The following KANSL1L variants were observed in gnomAD, a reference collection of about 807,000 sequenced individuals.
KANSL1L encodes the protein KAT8 regulatory NSL complex subunit 1 like.
A neutral mutation model predicts 108.6 loss-of-function variants in KANSL1L; 25 were observed. The ratio of observed to expected loss-of-function variants is 0.23; its 90% CI spans 0.17 to 0.32. The LOEUF (loss-of-function observed/expected upper bound fraction) is 0.32, where lower values mean the gene tolerates loss of function less well. KANSL1L is among the 10% of genes least tolerant of loss of function. The pLI, the probability that KANSL1L is intolerant of heterozygous loss-of-function variation, is 1.00. For missense variants in KANSL1L, 1,137 were observed against 1,125.7 expected, an observed-to-expected ratio of 1.01 and a Z score of -0.14; for synonymous variants, 405 against 395.1, an observed-to-expected ratio of 1.03 and a Z score of -0.30.
chr2:210,166,075 G>A (rs1687939697), intron 1 of KANSL1L, among the ~76,000 whole-genome samples: 1 of 152,052 alleles, frequency 6.6e-6, no homozygotes, highest in Non-Finnish European at 1.5e-5. Context: ...GGTACCACTG[G>A]GGATCTGAAA....
intron 2 of KANSL1L, among the ~76,000 whole-genome samples, chr2:210,136,470 G>A (rs1161305461): frequency 6.6e-6 from 1 of 152,018 alleles, no homozygotes; most frequent in Non-Finnish European, 1.5e-5. Flanking sequence ...TTTTTAAAAG[G>A]GAAATACTGT....
chr2:210,024,008 G>A, intron 14 of KANSL1L, 25 bp downstream of exon 14: 1 of 1,468,930 alleles, frequency 6.8e-7, no homozygotes, highest in Non-Finnish European at 9.1e-7. Flanking sequence ...GGAATGGGAA[G>A]TTTAATCATA....
rs1330604950 is a variant in KANSL1L at position 210,103,938 on chromosome 2, T to G, written c.1428+166A>C. The stretch of plus-strand genomic sequence containing the variant: ...AATTTAAATTATATTGGTATTATAA[T>G]GGAGACTGGTCATATGTCAAATATT... On this transcript the variant is annotated intron_variant, in intron 4 of 14. Coordinates refer to ENST00000281772, the MANE Select transcript of KANSL1L (RefSeq NM_152519.4). 3.2e-5 allele frequency: 16 copies of G among 495,880 alleles called. No homozygotes were observed. In the East Asian group the frequency reaches 4.8e-4, roughly 15 times the overall value. 30.7% of individuals were successfully genotyped at this position (495,880 alleles called of 1,614,324 possible).
chr2:210,027,286 G>C lies in KANSL1L; in HGVS notation c.2451+10C>G. 6.3e-7 allele frequency: 1 copy of C among 1,581,866 alleles called. No individual in the cohort carries two copies. Among genetic ancestry groups the C allele is most frequent in the South Asian group, 1.1e-5 (1 of 90,412 alleles). On this transcript the variant is annotated intron_variant, in intron 12 of 14. Coordinates refer to ENST00000281772, the MANE Select transcript of KANSL1L (RefSeq NM_152519.4). ...TGTGCAATTATCCCATTAAATGAAA[G>C]GCAGCTTACCTCTTCTTTGCCTAAA...
intron 3 of KANSL1L, among the ~76,000 whole-genome samples, chr2:210,108,420 A>G (rs1413169841): frequency 6.6e-6 from 1 of 152,204 alleles, no homozygotes; most frequent in African/African-American, 2.4e-5. Context: ...CAAGCTTTTA[A>G]AAGAGTTTAA....
At position 210,040,542 on chromosome 2, in the gene KANSL1L, TAAA is replaced by T; in HGVS notation, c.1922-18_1922-16del. On this transcript the variant is annotated splice_polypyrimidine_tract_variant and intron_variant, in intron 7 of 14. Transcript: ENST00000281772. The stretch of plus-strand genomic sequence containing the variant: ...AAGAGGCACATCTGGAAAAATAAAA[TAAA>T]AAAGGTATTTTCAAATACCACTCTT... The T allele has an allele frequency of 3.2e-6, 4 of 1,245,838 alleles. No homozygotes were observed. The South Asian group carries it at 4.3e-5, about 14-fold the overall frequency. 77.2% of individuals were successfully genotyped at this position (1,245,838 alleles called of 1,614,324 possible). A position where few individuals can be genotyped will look rare whatever the true frequency, so the allele number is the denominator to read the frequency against.
At chr2:210,073,854 C>T (rs971410469) in intron 6 of KANSL1L, among the ~76,000 whole-genome samples, 4 of 151,852 alleles carry the variant, frequency 2.6e-5, no homozygotes, top group African/African-American at 4.8e-5. Flanking sequence ...TGTTCCACTT[C>T]GTTAATTCTT....
At position 210,153,850 on chromosome 2, in the gene KANSL1L, A is replaced by G; in HGVS notation, c.733T>C (p.Leu245=). 1.2e-6 allele frequency: 2 copies of G among 1,612,704 alleles called. No individual in the cohort carries two copies. Among genetic ancestry groups the G allele is most frequent in the Non-Finnish European group, 8.5e-7 (1 of 1,179,622 alleles). ...ACATGCTTTGCCAGGAGCATCTGCA[A>G]ATGTTTCTGAGTTCTTCTAGCCTGG... is the stretch of plus-strand genomic sequence containing the variant. ...LSQARRTQKH[L]QMLLAKHVVK... The change falls in exon 2 of 15, where the codon TTG becomes CTG. Residue 245 remains leucine, a synonymous_variant. Transcript: ENST00000281772.
chr2:210,059,271 A>G (rs79925982), intron 6 of KANSL1L, among the ~76,000 whole-genome samples: 1,656 of 152,328 alleles, frequency 0.011, 26 homozygotes, highest in African/African-American at 0.035. Context: ...AGAGGCCACA[A>G]TGAGAACTGA....
intron 7 of KANSL1L, among the ~76,000 whole-genome samples, chr2:210,042,096 T>C (rs1290924228): frequency 6.6e-6 from 1 of 152,228 alleles, no homozygotes; most frequent in East Asian, 1.9e-4. Context: ...TCTACCACTG[T>C]TCTTTGCAAT....
At chr2:210,057,626 G>A (rs192199971) in intron 6 of KANSL1L, among the ~76,000 whole-genome samples, 12 of 152,320 alleles carry the variant, frequency 7.9e-5, no homozygotes, top group South Asian at 2.1e-4. Context: ...GCATGAACCC[G>A]GGTGTTGCGG....
intron 8 of KANSL1L, among the ~76,000 whole-genome samples, chr2:210,035,973 C>T (rs1464457619): frequency 3.3e-5 from 5 of 152,122 alleles, no homozygotes; most frequent in Non-Finnish European, 7.4e-5. Context: ...TAACAATATC[C>T]CCGAAGTAAC....
intron 6 of KANSL1L, among the ~76,000 whole-genome samples, chr2:210,068,707 G>A (rs2723206): frequency 0.47 from 72,112 of 151,912 alleles, 19,594 homozygotes; most frequent in Middle Eastern, 0.61. Flanking sequence ...ATTTTGTCTC[G>A]TCTTTGCCCC....
chr2:210,130,621 C>T (rs1362996338), intron 2 of KANSL1L, among the ~76,000 whole-genome samples: 1 of 152,132 alleles, frequency 6.6e-6, no homozygotes, highest in Non-Finnish European at 1.5e-5. Context: ...ATAGTCATTA[C>T]TGTGGTTTCA....
At chr2:210,161,634 G>A (rs2095362021) in intron 1 of KANSL1L, among the ~76,000 whole-genome samples, 1 of 151,894 alleles carries the variant, frequency 6.6e-6, no homozygotes, top group South Asian at 2.1e-4. Context: ...TAGAACTGTT[G>A]GGAACCTCTG....
At position 210,153,519 on chromosome 2, in the gene KANSL1L, T is replaced by C. The variant is rs752474990; in HGVS notation, c.1064A>G (p.Tyr355Cys). 4 of 1,614,020 alleles carry C rather than the reference T, an allele frequency of 2.5e-6. No homozygotes were observed. Among genetic ancestry groups the C allele is most frequent in the Non-Finnish European group, 3.4e-6 (4 of 1,180,024 alleles). The stretch of plus-strand genomic sequence containing the variant: ...CACTGCCACATTTTTTCTAAGGGTA[T>C]ATTCATCCAAATCGTCATCAGAGCT... ...DSSSDDDLDE[Y>C]TLRKNVAVNC... Residue 355 changes from tyrosine to cysteine, a missense_variant, in exon 2 of 15, where the codon TAT (tyrosine) becomes TGT (cysteine). This residue lies in a region of KANSL1L where 556 missense variants were observed against 537.7 expected (regional missense o/e 1.03). Coordinates refer to ENST00000281772, the MANE Select transcript of KANSL1L (RefSeq NM_152519.4).
At chr2:210,101,248 G>A (rs2094791249) in intron 4 of KANSL1L, among the ~76,000 whole-genome samples, 1 of 152,142 alleles carries the variant, frequency 6.6e-6, no homozygotes. Flanking sequence ...TGGAGGCTAT[G>A]CTTGCTTAGT....
chr2:210,040,306 T>C (rs1156304987), intron 8 of KANSL1L, 114 bp downstream of exon 8: 1 of 655,752 alleles, frequency 1.5e-6, no homozygotes. Context: ...GTATTAAAAA[T>C]TAAGGATTTT....
chr2:210,135,356 G>A (rs1411173875), intron 2 of KANSL1L, among the ~76,000 whole-genome samples: 1 of 152,132 alleles, frequency 6.6e-6, no homozygotes, highest in Non-Finnish European at 1.5e-5. Context: ...GAGGCAAACT[G>A]AATAGACTTC....
Sources: allele counts gnomAD v4.1 joint callset (sites outside exome capture counted in the v4.1 genomes callset), GRCh38; gene constraint gnomAD v4.1.1; regional missense constraint gnomAD v4.1.1; transcripts MANE v1.5; gene names NCBI Gene and HGNC (gene_info 2026-07-23, HGNC 2026-07-21).